The following C6orf89 variants were observed in gnomAD, a reference collection of about 807,000 sequenced individuals.
The protein encoded by C6orf89 is bombesin receptor-activated protein C6orf89.
Under a neutral mutation model 40.7 loss-of-function variants are expected in C6orf89, and 29 were observed. The observed-to-expected ratio is 0.71, with a 90% CI of 0.53 to 0.97. C6orf89 has a LOEUF of 0.97. Among genes scored for constraint, C6orf89 ranks in the 50% least tolerant of loss-of-function variants. The pLI, the probability that C6orf89 is intolerant of heterozygous loss-of-function variation, is 0.00. For missense variants in C6orf89, 392 were observed against 429.1 expected, an observed-to-expected ratio of 0.91 and a Z score of 0.76; for synonymous variants, 165 against 152.2, an observed-to-expected ratio of 1.08 and a Z score of -0.62.
At chr6:36,916,344 T>G in intron 6 of C6orf89, 101 bp from the exon 7 acceptor site, 1 of 1,422,212 alleles carries the variant, frequency 7.0e-7, no homozygotes, top group Non-Finnish European at 9.7e-7. Context: ...TTTCCCTCTT[T>G]ACCCACCGCC....
At chr6:36,873,705 A>T (rs1774569294) in intron 1 of C6orf89, among the ~76,000 whole-genome samples, 2 of 152,358 alleles carry the variant, frequency 1.3e-5, no homozygotes, top group South Asian at 2.1e-4. Flanking sequence ...GCCAGGGAGC[A>T]TGAAATGAAC....
At chr6:36,880,352 A>T (rs1774772721) in intron 2 of C6orf89, among the ~76,000 whole-genome samples, 1 of 152,218 alleles carries the variant, frequency 6.6e-6, no homozygotes, top group African/African-American at 2.4e-5. Context: ...GCCAATAACC[A>T]ATTAAGAAAC....
intron 3 of C6orf89, among the ~76,000 whole-genome samples, chr6:36,901,734 G>A (rs1233983478): frequency 1.3e-5 from 2 of 151,182 alleles, no homozygotes; most frequent in Non-Finnish European, 2.9e-5. Flanking sequence ...GCAGTGGCGC[G>A]ATCTCGGCTC....
At chr6:36,877,475 C>T (rs1261357582) in intron 1 of C6orf89, among the ~76,000 whole-genome samples, 5 of 152,160 alleles carry the variant, frequency 3.3e-5, no homozygotes, top group South Asian at 2.1e-4. Flanking sequence ...GGACTACAGG[C>T]GCATGCCACC....
chr6:36,919,452 A>G (rs143850896), intron 7 of C6orf89, 126 bp from the exon 8 acceptor site: 28 of 1,192,020 alleles, frequency 2.3e-5, no homozygotes, highest in African/African-American at 2.3e-4. Flanking sequence ...TATTGGTTCT[A>G]TTTCCTCTTT....
At chr6:36,871,886 G>C (rs778903847) in exon 1 of C6orf89, 7 of 1,560,986 alleles carry the variant, frequency 4.5e-6, no homozygotes, top group African/African-American at 2.8e-5. Flanking sequence ...CAGAGGGAGA[G>C]GACAACAGCT....
At chr6:36,900,451 C>T (rs1350434516) in intron 3 of C6orf89, among the ~76,000 whole-genome samples, 1 of 151,812 alleles carries the variant, frequency 6.6e-6, no homozygotes, top group East Asian at 1.9e-4. Flanking sequence ...ATCTGCCCTC[C>T]TCGGCTTCCC....
chr6:36,889,255 G>A (rs897516047), intron 1 of C6orf89, among the ~76,000 whole-genome samples: 7 of 152,192 alleles, frequency 4.6e-5, no homozygotes, highest in African/African-American at 1.7e-4. Context: ...AACGTCCTTC[G>A]AACTTGGCGT....
chr6:36,901,202 G>A (rs1561865251), intron 3 of C6orf89, among the ~76,000 whole-genome samples: 2 of 150,716 alleles, frequency 1.3e-5, no homozygotes, highest in African/African-American at 2.4e-5. Flanking sequence ...AGCTGGTCTC[G>A]AACTCTTGAC....
At chr6:36,882,725 TTC>T (rs1236953928), upstream of C6orf89, among the ~76,000 whole-genome samples, 60 of 65,618 alleles carry the variant, frequency 9.1e-4, 1 homozygote, top group East Asian at 3.6e-3. Context: ...TTTTTTTTTT[TTC>T]TTTTTTCTTT....
chr6:36,891,317 A>G (rs1283454986), intron 1 of C6orf89, among the ~76,000 whole-genome samples: 1 of 152,236 alleles, frequency 6.6e-6, no homozygotes, highest in African/African-American at 2.4e-5. Context: ...TATAAAGGAC[A>G]TGAACTCATC....
intron 1 of C6orf89, among the ~76,000 whole-genome samples, chr6:36,887,239 C>T (rs1188695182): frequency 6.6e-6 from 1 of 151,962 alleles, no homozygotes; most frequent in Non-Finnish European, 1.5e-5. Context: ...CTCAGGCTCC[C>T]GACCTCTGCA....
intron 1 of C6orf89, among the ~76,000 whole-genome samples, chr6:36,892,403 C>T (rs1216857933): frequency 6.6e-6 from 1 of 152,140 alleles, no homozygotes; most frequent in Non-Finnish European, 1.5e-5. Flanking sequence ...TGTTCACAGG[C>T]GTGATCGTAA....
intron 4 of C6orf89, 72 bp from the exon 5 acceptor site, chr6:36,914,212 T>C (rs1762229953): frequency 7.7e-7 from 1 of 1,295,792 alleles, no homozygotes; most frequent in Non-Finnish European, 1.1e-6. Context: ...TCTTGTTTCA[T>C]TGTTGGAGCT....
chr6:36,877,653 C>T (rs542131053), intron 1 of C6orf89, among the ~76,000 whole-genome samples: 1 of 152,342 alleles, frequency 6.6e-6, no homozygotes, highest in African/African-American at 2.4e-5. Flanking sequence ...TTTATGTATG[C>T]ACCAGCAGCC....
intron 4 of C6orf89, among the ~76,000 whole-genome samples, chr6:36,905,950 T>TA (rs1481912820): frequency 2.0e-5 from 3 of 152,198 alleles, no homozygotes; most frequent in African/African-American, 7.2e-5. Flanking sequence ...ATATCACACT[T>TA]ACAGCCTGCC....
rs1316393210 is a variant in C6orf89 at position 36,923,693 on chromosome 6, G to A, written c.*252G>A. Reference sequence around the variant, plus strand: ...TAGGACTCTGCCAGCACCCATCTGAGACTGACCTCTTCCGGGCCTTTGGAC... The same window carrying A: ...TAGGACTCTGCCAGCACCCATCTGAAACTGACCTCTTCCGGGCCTTTGGAC... On this transcript the variant is annotated 3_prime_UTR_variant, in exon 9 of 9. Coordinates refer to ENST00000480824, the MANE Select transcript of C6orf89 (RefSeq NM_001286635.2). 2.0e-6 allele frequency: 1 copy of A among 488,162 alleles called. No individual in the cohort carries two copies. Among genetic ancestry groups the A allele is most frequent in the African/African-American group, 2.0e-5 (1 of 51,118 alleles). 30.2% of individuals were successfully genotyped at this position (488,162 alleles called of 1,614,324 possible). A position where few individuals can be genotyped will look rare whatever the true frequency, so the allele number is the denominator to read the frequency against.
Position 36,927,697 on chromosome 6 carries a change from ATGT to A in C6orf89, c.*4260_*4262del, listed in dbSNP as rs538926489. ...ATTCTCTCTGTATTTGGACCTGCAG[ATGT>A]TGTGTACAGAACCGATGCATGGCAG... On this transcript the variant is annotated 3_prime_UTR_variant, in exon 9 of 9. Coordinates refer to ENST00000480824, the MANE Select transcript of C6orf89 (RefSeq NM_001286635.2). The A allele has an allele frequency of 1.1e-4, 16 of 152,240 alleles. No individual in the cohort carries two copies. The highest frequency in any genetic ancestry group is 2.4e-4 in the Non-Finnish European group (16 of 68,058). 9.4% of individuals were successfully genotyped at this position (152,240 alleles called of 1,614,324 possible).
At position 36,897,285 on chromosome 6, in the gene C6orf89, T is replaced by C. The variant is rs1761473090; in HGVS notation, c.-19-2141T>C. On this transcript the variant is annotated intron_variant, in intron 2 of 8. Transcript: ENST00000480824. ...TATGTAGGGTATTCGTTCCAGAATC[T>C]CCATATACACCCAAATCCTTGCATA... 1.3e-5 allele frequency among the ~76,000 whole-genome samples: 2 copies of C among 152,184 alleles called. 1 individual carries two copies. Among genetic ancestry groups the C allele is most frequent in the African/African-American group, 4.8e-5 (2 of 41,448 alleles).
Sources: gnomAD v4.1 joint callset for allele counts (sites outside exome capture counted in the v4.1 genomes callset) on GRCh38, gnomAD v4.1.1 for gene constraint, MANE v1.5 for transcripts, NCBI Gene and HGNC (gene_info 2026-07-23, HGNC 2026-07-21) for gene names.